APP: variants seen among roughly 807,000 people sequenced by gnomAD.
APP encodes the protein amyloid beta precursor protein, also known as amyloid-beta precursor protein.
APP carries 31 observed loss-of-function variants against 101.4 expected under a neutral mutation model. The ratio of observed to expected loss-of-function variants is 0.31; its 90% CI spans 0.23 to 0.41. The LOEUF is 0.41. Ranked by LOEUF, APP falls within the 10% of genes least tolerant of loss-of-function variation. The pLI, the probability that APP is intolerant of heterozygous loss-of-function variation, is 1.00. For missense variants in APP, 839 were observed against 1,003.7 expected (o/e 0.84, Z 2.22); for synonymous variants, 366 against 364.4 (o/e 1.00, Z -0.05).
chr21:26,163,996 C>T lies in APP; in HGVS notation c.57+6568G>A, dbSNP rs558999297. 7.4e-4 allele frequency among the ~76,000 whole-genome samples: 113 copies of T among 152,340 alleles called. 1 individual carries two copies. The highest frequency in any genetic ancestry group is 3.4e-3 in the Middle Eastern group (1 of 294). ...GCGCGGTGGCTCACGCCTGTAATCG[C>T]AGCACTTTGGGAGGCCGAGGCAGGC... On this transcript the variant is annotated intron_variant, in intron 1 of 17. Coordinates refer to ENST00000346798, the MANE Select transcript of APP (RefSeq NM_000484.4).
chr21:26,023,427 C>G lies in APP; in HGVS notation c.663-1385G>C, dbSNP rs533613628. Among the ~76,000 whole-genome samples, 514 of 149,728 alleles carry G rather than the reference C, an allele frequency of 3.4e-3. 4 individuals carry two copies. Among genetic ancestry groups the G allele is most frequent in the African/African-American group, 0.012 (479 of 40,564 alleles). On this transcript the variant is annotated intron_variant, in intron 5 of 17. Coordinates refer to ENST00000346798, the MANE Select transcript of APP (RefSeq NM_000484.4). ...TGGTGGTGTGCACCTGTAGTTCCAG[C>G]TACTCAGAAGGCTGGGGCGGGAGGA...
At chr21:26,136,149 G>GAAAAA (rs1372355601) in intron 1 of APP, among the ~76,000 whole-genome samples, 2 of 82,118 alleles carry the variant, frequency 2.4e-5, no homozygotes, top group Non-Finnish European at 2.3e-5. Context: ...AAAAAGAAAA[G>GAAAAA]AAAAGAAAAG....
intron 13 of APP, among the ~76,000 whole-genome samples, chr21:25,913,211 T>C (rs752796657): frequency 6.6e-6 from 1 of 152,244 alleles, no homozygotes; most frequent in Non-Finnish European, 1.5e-5. Flanking sequence ...TTAAAATAAT[T>C]TGATGGAATA....
At chr21:26,087,944 A>G (rs918310419) in intron 3 of APP, among the ~76,000 whole-genome samples, 1 of 152,158 alleles carries the variant, frequency 6.6e-6, no homozygotes, top group African/African-American at 2.4e-5. Context: ...AGATCTGAGA[A>G]CATCTTTTAT....
At chr21:25,979,799 A>T (rs1025409558) in intron 9 of APP, among the ~76,000 whole-genome samples, 6 of 127,648 alleles carry the variant, frequency 4.7e-5, no homozygotes, top group Admixed American at 3.3e-4. Flanking sequence ...ATCCAGGATT[A>T]AAAAAACACA....
intron 16 of APP, among the ~76,000 whole-genome samples, chr21:25,897,089 G>A (rs1267277813): frequency 6.6e-6 from 1 of 151,932 alleles, no homozygotes; most frequent in Non-Finnish European, 1.5e-5. Flanking sequence ...GAACTTTGCT[G>A]CCTTGTAGTC....
intron 5 of APP, among the ~76,000 whole-genome samples, chr21:26,032,540 T>C (rs2044876730): frequency 6.6e-6 from 1 of 152,236 alleles, no homozygotes; most frequent in African/African-American, 2.4e-5. Flanking sequence ...TGTGACTTGG[T>C]TTCCTCATCT....
chr21:26,139,494 A>G (rs989919987), intron 1 of APP, among the ~76,000 whole-genome samples: 4 of 152,230 alleles, frequency 2.6e-5, no homozygotes, highest in African/African-American at 9.6e-5. Context: ...CCACTCCCAG[A>G]AAACGGTTTG....
chr21:25,966,925 CA>C (rs1428577757), intron 11 of APP, among the ~76,000 whole-genome samples: 3 of 152,196 alleles, frequency 2.0e-5, no homozygotes, highest in Non-Finnish European at 4.4e-5. Context: ...TTACCTGTGA[CA>C]AACCTCCCAT....
chr21:26,128,092 T>C (rs914854262), intron 1 of APP, among the ~76,000 whole-genome samples: 8 of 152,182 alleles, frequency 5.3e-5, no homozygotes, highest in South Asian at 2.1e-4. Flanking sequence ...CCATTTAAAA[T>C]AGACAATCTT....
At chr21:26,021,271 C>T (rs1421142680) in intron 6 of APP, among the ~76,000 whole-genome samples, 1 of 152,156 alleles carries the variant, frequency 6.6e-6, no homozygotes, top group Non-Finnish European at 1.5e-5. Context: ...TGGTCTTGAA[C>T]TCCTGGCCTC....
chr21:25,954,541 G>A, intron 13 of APP, 49 bp downstream of exon 13: 2 of 1,495,852 alleles, frequency 1.3e-6, no homozygotes, highest in East Asian at 2.3e-5. Flanking sequence ...ATTTTCCTCT[G>A]GGGGAAAATA....
At chr21:26,077,775 GAA>G (rs796489181) in intron 3 of APP, among the ~76,000 whole-genome samples, 15 of 86,940 alleles carry the variant, frequency 1.7e-4, no homozygotes, top group African/African-American at 2.1e-4. Context: ...ACAGGAGAAG[GAA>G]AAAAAAAAAA....
At chr21:26,148,937 A>C (rs879753427) in intron 1 of APP, among the ~76,000 whole-genome samples, 11 of 152,260 alleles carry the variant, frequency 7.2e-5, no homozygotes, top group Non-Finnish European at 1.6e-4. Context: ...GTTGTGACTC[A>C]GATCCAAGGT....
At chr21:26,028,438 G>A (rs959180514) in intron 5 of APP, among the ~76,000 whole-genome samples, 3 of 152,178 alleles carry the variant, frequency 2.0e-5, no homozygotes, top group African/African-American at 7.2e-5. Context: ...ATAGGTGGCT[G>A]TGGGGATGAG....
At chr21:26,094,009 C>A (rs6516725) in intron 2 of APP, among the ~76,000 whole-genome samples, 1 of 151,428 alleles carries the variant, frequency 6.6e-6, no homozygotes, top group African/African-American at 2.4e-5. Context: ...CCAGCTACTC[C>A]GGAGGCTGAG....
At chr21:26,109,483 C>T (rs12627637) in intron 2 of APP, among the ~76,000 whole-genome samples, 1 of 152,182 alleles carries the variant, frequency 6.6e-6, no homozygotes, top group Non-Finnish European at 1.5e-5. Context: ...TGCCATGATT[C>T]TAAGTTTCCT....
intron 14 of APP, among the ~76,000 whole-genome samples, chr21:25,905,735 G>A (rs555511959): frequency 1.3e-5 from 2 of 152,240 alleles, no homozygotes; most frequent in East Asian, 3.9e-4. Context: ...TTTTATATTT[G>A]CCATTGTTCA....
At position 25,944,211 on chromosome 21, in the gene APP, A is replaced by G. The variant is rs1304795811; in HGVS notation, c.1687+10379T>C. ...AGGCTTTTTTAAACGCACTATCTGA[A>G]GTCAATGAATCCATCAACAGGAGCT... is the stretch of plus-strand genomic sequence containing the variant. On this transcript the variant is annotated intron_variant, in intron 13 of 17. Transcript: ENST00000346798. Among the ~76,000 whole-genome samples the G allele has an allele frequency of 2.0e-5, 3 of 152,242 alleles. No individual in the cohort carries two copies. In the East Asian group the frequency reaches 5.8e-4, roughly 29 times the overall value.
Sources: gnomAD v4.1 joint callset for allele counts (sites outside exome capture counted in the v4.1 genomes callset) on GRCh38, gnomAD v4.1.1 for gene constraint, MANE v1.5 for transcripts, NCBI Gene and HGNC (gene_info 2026-07-23, HGNC 2026-07-21) for gene names.